TNS3: variants seen among roughly 807,000 people sequenced by gnomAD.
TNS3 encodes tensin 3.
Under a neutral mutation model 140.9 loss-of-function variants are expected in TNS3, and 45 were observed. The ratio of observed to expected loss-of-function variants is 0.32; its 90% CI spans 0.25 to 0.41. The LOEUF is 0.41. Ranked by LOEUF, TNS3 falls within the 10% of genes least tolerant of loss-of-function variation. The probability of loss-of-function intolerance (pLI) is 1.00; values close to 1 mark genes in which losing one functional copy is unlikely to be tolerated. For missense variants in TNS3, 1,716 were observed against 1,906.7 expected, an observed-to-expected ratio of 0.90 and a Z score of 1.86; for synonymous variants, 815 against 788.4, an observed-to-expected ratio of 1.03 and a Z score of -0.56.
chr7:47,397,009 GAGAA>G, intron 15 of TNS3, 105 bp from the exon 16 acceptor site: 4 of 782,416 alleles, frequency 5.1e-6, no homozygotes, highest in South Asian at 1.5e-5. Flanking sequence ...GAGCAGGAGA[GAGAA>G]GCCTCTCCAT....
chr7:47,327,709 G>T (rs570302387), intron 20 of TNS3, among the ~76,000 whole-genome samples: 1 of 152,306 alleles, frequency 6.6e-6, no homozygotes, highest in African/African-American at 2.4e-5. Flanking sequence ...GGGGCGTTTT[G>T]TCCCAAAGCC....
rs374356604 is a variant in TNS3 at position 47,303,047 on chromosome 7, G to C, written c.3360C>G (p.Gly1120=). ...SLGSVSPSSS[G]FSSPHSGSTI... ...TGCTCCCGCTGTGCGGGCTGGAGAA[G>C]CCACTGGAGGAGGGAGAGACTGAGC... Residue 1120 remains glycine (G), a synonymous_variant, in exon 22 of 31, where the codon GGC becomes GGG. Transcript: ENST00000311160. 6.2e-7 allele frequency: 1 copy of C among 1,614,216 alleles called. No homozygotes were observed. Among genetic ancestry groups the C allele is most frequent in the Non-Finnish European group, 8.5e-7 (1 of 1,180,030 alleles).
chr7:47,374,842 G>A (rs2151184458), intron 16 of TNS3, among the ~76,000 whole-genome samples: 1 of 152,332 alleles, frequency 6.6e-6, no homozygotes, highest in South Asian at 2.1e-4. Context: ...CATGGGTTGT[G>A]GGTGGGGTTC....
At chr7:47,358,969 C>A (rs1165952576) in intron 17 of TNS3, among the ~76,000 whole-genome samples, 1 of 152,174 alleles carries the variant, frequency 6.6e-6, no homozygotes, top group African/African-American at 2.4e-5. Context: ...TACCAAATGA[C>A]TTTCAAGCAT....
intron 1 of TNS3, among the ~76,000 whole-genome samples, chr7:47,577,654 G>A (rs966486595): frequency 1.3e-5 from 2 of 152,236 alleles, no homozygotes; most frequent in African/African-American, 4.8e-5. Context: ...CCAGAAAAGG[G>A]AGACCATCAG....
intron 4 of TNS3, among the ~76,000 whole-genome samples, chr7:47,469,538 C>T (rs1796858595): frequency 6.6e-6 from 1 of 152,226 alleles, no homozygotes; most frequent in African/African-American, 2.4e-5. Flanking sequence ...AACCCAGCAA[C>T]TCACTTATGG....
rs1021634389 is a variant in TNS3, at chr7:47,582,040, G to A, written c.-265+11C>T. 4 of 152,008 alleles carry A rather than the reference G, an allele frequency of 2.6e-5. No individual in the cohort carries two copies. The highest frequency in any genetic ancestry group is 2.1e-4 in the South Asian group (1 of 4,838). 9.4% of individuals were successfully genotyped at this position (152,008 alleles called of 1,614,324 possible). A position where few individuals can be genotyped will look rare whatever the true frequency, so the allele number is the denominator to read the frequency against. ...GCGTGGCCGCGTTTCCTCCTTCCCC[G>A]GCCCCAGTACCTGGGGGAGCCTGAG... On this transcript the variant is annotated intron_variant, in intron 1 of 30. Coordinates refer to ENST00000311160, the MANE Select transcript of TNS3 (RefSeq NM_022748.12).
At chr7:47,526,266 T>C (rs1799189067) in intron 2 of TNS3, among the ~76,000 whole-genome samples, 1 of 152,208 alleles carries the variant, frequency 6.6e-6, no homozygotes, top group African/African-American at 2.4e-5. Context: ...ATAACCAACC[T>C]AGTGCAGCCC....
chr7:47,429,236 A>G (rs931203645), intron 8 of TNS3, among the ~76,000 whole-genome samples: 2 of 152,226 alleles, frequency 1.3e-5, no homozygotes, highest in Non-Finnish European at 2.9e-5. Flanking sequence ...GTGTCCAAAC[A>G]CAAAGTTTGA....
intron 20 of TNS3, among the ~76,000 whole-genome samples, chr7:47,318,509 G>T (rs1312400503): frequency 6.6e-6 from 1 of 152,148 alleles, no homozygotes; most frequent in African/African-American, 2.4e-5. Flanking sequence ...AAACAGACAG[G>T]AATGCACCAG....
chr7:47,346,409 G>C, intron 17 of TNS3, 53 bp from the exon 18 acceptor site: 1 of 1,598,922 alleles, frequency 6.3e-7, no homozygotes, highest in Non-Finnish European at 8.5e-7. Context: ...GGCGGAGTGA[G>C]GCGCCCCTTC....
intron 20 of TNS3, among the ~76,000 whole-genome samples, chr7:47,341,239 G>A (rs982975017): frequency 4.6e-5 from 7 of 152,120 alleles, no homozygotes; most frequent in Non-Finnish European, 8.8e-5. Flanking sequence ...TGGTATCAGG[G>A]TAATACTAGC....
At chr7:47,442,690 G>T (rs1314992232) in intron 4 of TNS3, among the ~76,000 whole-genome samples, 2 of 152,174 alleles carry the variant, frequency 1.3e-5, no homozygotes, top group Non-Finnish European at 2.9e-5. Context: ...TTGTCAGATG[G>T]CAGAGGTGAA....
intron 16 of TNS3, among the ~76,000 whole-genome samples, chr7:47,377,005 G>A (rs191661059): frequency 6.6e-6 from 1 of 152,256 alleles, no homozygotes; most frequent in Middle Eastern, 3.4e-3. Flanking sequence ...AGCCCCATCG[G>A]GGTCAGGAGC....
chr7:47,390,529 CAAAGCG>C (rs1562678102), intron 16 of TNS3, among the ~76,000 whole-genome samples: 2 of 152,192 alleles, frequency 1.3e-5, no homozygotes, highest in East Asian at 3.9e-4. Context: ...ATGGGAGCCC[CAAAGCG>C]TGGATTCTGG....
At chr7:47,302,907 A>C in intron 22 of TNS3, 43 bp downstream of exon 22, 1 of 1,550,886 alleles carries the variant, frequency 6.4e-7, no homozygotes, top group Non-Finnish European at 8.7e-7. Context: ...TTCCCCAGTG[A>C]ATGGACAGAG....
At chr7:47,323,850 A>G (rs1156972231) in intron 20 of TNS3, among the ~76,000 whole-genome samples, 2 of 152,258 alleles carry the variant, frequency 1.3e-5, no homozygotes, top group African/African-American at 4.8e-5. Flanking sequence ...TCAATAAATA[A>G]AGACAGAGTT....
chr7:47,423,803 G>A (rs2151474431), intron 10 of TNS3, among the ~76,000 whole-genome samples: 1 of 152,260 alleles, frequency 6.6e-6, no homozygotes, highest in African/African-American at 2.4e-5. Flanking sequence ...CATAATAATG[G>A]AAATCAAAAC....
intron 7 of TNS3, among the ~76,000 whole-genome samples, chr7:47,436,182 A>G (rs1795172963): frequency 6.6e-6 from 1 of 152,230 alleles, no homozygotes; most frequent in Non-Finnish European, 1.5e-5. Context: ...TAACCACTGC[A>G]ATGTTTTCAT....
Sources: allele counts gnomAD v4.1 joint callset (sites outside exome capture counted in the v4.1 genomes callset), GRCh38; gene constraint gnomAD v4.1.1; transcripts MANE v1.5; gene names NCBI Gene and HGNC (gene_info 2026-07-23, HGNC 2026-07-21).